The following MMUT variants were observed in gnomAD, a reference collection of about 807,000 sequenced individuals.
MMUT encodes the protein methylmalonyl-CoA mutase, also known as methylmalonyl-CoA mutase, mitochondrial.
In MMUT, 79 loss-of-function variants were observed where a neutral mutation model predicts 79.9. That is an observed-to-expected ratio of 0.99 (90% CI 0.82 to 1.19). The LOEUF is 1.19. MMUT is among the 50% of genes most tolerant of loss of function. MMUT has a pLI of 0.00. For synonymous variants in MMUT, 273 were observed against 295.7 expected (o/e 0.92, Z 0.79); for missense variants, 860 against 917.2 (o/e 0.94, Z 0.81).
In MMUT at chr6:49,447,638, TA is replaced by T. The variant is rs56408395; in HGVS notation, c.1560+31del. On this transcript the variant is annotated intron_variant, in intron 8 of 12. Coordinates refer to ENST00000274813, the MANE Select transcript of MMUT (RefSeq NM_000255.4). ...CAGAGCCCAGAACACAGAAAATACTTAAAAAAAAAAAAAAAAGCAAGCTATT... is the reference window on the plus strand; with the variant it reads ...CAGAGCCCAGAACACAGAAAATACTTAAAAAAAAAAAAAAAGCAAGCTATT... 0.067 allele frequency: 69,696 copies of T among 1,043,672 alleles called. 14 individuals are homozygous for T. The highest frequency in any genetic ancestry group is 0.099 in the East Asian group (3,608 of 36,510). 64.7% of individuals were successfully genotyped at this position (1,043,672 alleles called of 1,614,324 possible). A position where few individuals can be genotyped will look rare whatever the true frequency, so the allele number is the denominator to read the frequency against.
intron 11 of MMUT, 110 bp from the exon 12 acceptor site, chr6:49,435,733 G>T: frequency 8.7e-7 from 1 of 1,154,992 alleles, no homozygotes; most frequent in Non-Finnish European, 1.2e-6. Flanking sequence ...AATGGGCAAA[G>T]ACTTCATGAT....
Position 49,459,437 on chromosome 6 carries a change from T to TG in MMUT, c.29_30insC (p.Leu10PhefsTer39). 6.2e-7 allele frequency: 1 copy of TG among 1,612,758 alleles called. No homozygotes were observed. The highest frequency in any genetic ancestry group is 1.1e-5 in the South Asian group (1 of 91,026). ...CCTGCCTCAGGTAATGAGGTGAAAG[T>TG]AAAAAAAGCTGATTCTTAGCTCTTA... is the stretch of plus-strand genomic sequence containing the variant. On this transcript the variant is annotated frameshift_variant, in exon 2 of 13. Transcript: ENST00000274813. LOFTEE classifies it high-confidence loss of function.
chr6:49,443,696 G>A (rs1337285266), intron 9 of MMUT: 3 of 292,530 alleles, frequency 1.0e-5, no homozygotes, highest in South Asian at 3.0e-5. Context: ...AACACATTAA[G>A]TGCCATATTC....
rs1226524146 is a variant in MMUT at position 49,441,961 on chromosome 6, C to G, written c.1687G>C (p.Gly563Arg). The change falls in exon 10 of 13, where the codon GGA becomes CGA. Residue 563 changes from glycine (G) to arginine (R), a missense_variant. By Grantham distance (125) the Gly-to-Arg change is moderately radical. Transcript: ENST00000274813. ...TTTTTCAGGGCATCTGTGATTTCTC[C>G]CACTGTACATCTGAAACATGAAATG... ...VDASRARCTV[G>R]EITDALKKVF... 6.2e-7 allele frequency: 1 copy of G among 1,610,098 alleles called. No homozygotes were observed. The highest frequency in any genetic ancestry group is 8.5e-7 in the Non-Finnish European group (1 of 1,177,060).
rs1488263039 is a variant in MMUT, at chr6:49,440,339, A to G, written c.1823T>C (p.Met608Thr). Residue 608 changes from methionine (M) to threonine (T), a missense_variant, in exon 11 of 13, where the codon ATG becomes ACG. Met to Thr is a moderately conservative substitution (Grantham distance 81). Coordinates refer to ENST00000274813, the MANE Select transcript of MMUT (RefSeq NM_000255.4). ...TSAIKRVHKF[M>T]EREGRRPRLL... ...ACGAGGTCTGCGACCTTCACGTTCC[A>G]TGAATTTATGAACCCTGAAAAACAT... 2 of 1,613,986 alleles carry G rather than the reference A, an allele frequency of 1.2e-6. No homozygotes were observed. Among genetic ancestry groups the G allele is most frequent in the Admixed American group, 1.7e-5 (1 of 59,984 alleles).
chr6:49,446,761 T>A (rs1369296818), intron 8 of MMUT, among the ~76,000 whole-genome samples: 1 of 151,866 alleles, frequency 6.6e-6, no homozygotes, highest in African/African-American at 2.4e-5. Context: ...TCATTATTTA[T>A]GATAAATGAA....
Position 49,441,847 on chromosome 6 carries a change from TA to T in MMUT, c.1800del (p.Ile601SerfsTer19). 6.2e-7 allele frequency: 1 copy of T among 1,611,396 alleles called. No homozygotes were observed. The highest frequency in any genetic ancestry group is 1.1e-5 in the South Asian group (1 of 90,972). On this transcript the variant is annotated frameshift_variant, in exon 10 of 13. Coordinates refer to ENST00000274813, the MANE Select transcript of MMUT (RefSeq NM_000255.4). LOFTEE classifies it high-confidence loss of function. ...AGAAACCTTACATATTACCTCTTGA[TA>T]GCAGATGTTATCTCTTTACTTTCTC... ...EFGESKEITS[A>X]IKRVHKFMER...
chr6:49,456,276 A>T, intron 3 of MMUT, 39 bp from the exon 4 acceptor site: 1 of 1,417,150 alleles, frequency 7.1e-7, no homozygotes, highest in Non-Finnish European at 1.0e-6. Flanking sequence ...AATAAGTAAA[A>T]ATATTAAAAG....
At chr6:49,460,376 T>G (rs1423396595) in intron 1 of MMUT, among the ~76,000 whole-genome samples, 2 of 152,232 alleles carry the variant, frequency 1.3e-5, no homozygotes, top group South Asian at 4.1e-4. Flanking sequence ...TTAACTAATA[T>G]GCACACAATT....
intron 2 of MMUT, 53 bp downstream of exon 2, chr6:49,459,029 A>G: frequency 6.4e-7 from 1 of 1,559,188 alleles, no homozygotes; most frequent in Non-Finnish European, 8.8e-7. Context: ...AAAATAAAAA[A>G]CTAGGAGGCA....
rs964374496 is a variant in MMUT at position 49,441,879 on chromosome 6, T to TA, written c.1768_1769insT (p.Glu590ValfsTer6). ...TGTTATCTCTTTACTTTCTCCAAAT[T>TA]CCTGGCGATATGCTCCACTCACCAT... On this transcript the variant is annotated frameshift_variant, in exon 10 of 13. Coordinates refer to ENST00000274813, the MANE Select transcript of MMUT (RefSeq NM_000255.4). LOFTEE classifies it high-confidence loss of function. 6.2e-7 allele frequency: 1 copy of TA among 1,611,976 alleles called. No homozygotes were observed. The highest frequency in any genetic ancestry group is 8.5e-7 in the Non-Finnish European group (1 of 1,178,748).
In MMUT at chr6:49,451,534, C is replaced by T. The variant is rs186505851; in HGVS notation, c.1264G>A (p.Ala422Thr). Residue 422 changes from alanine to threonine, a missense_variant, in exon 6 of 13, where the codon GCT becomes ACT. Coordinates refer to ENST00000274813, the MANE Select transcript of MMUT (RefSeq NM_000255.4). ...ATGTAAGAACCTCCCCAAGGATCAG[C>T]CACTTTGGGAATCCCAGATTCTTCT... ...IQEESGIPKVADPWGGSYMME... is the reference protein window; with the variant it reads ...IQEESGIPKVTDPWGGSYMME... 3.7e-6 allele frequency: 6 copies of T among 1,614,074 alleles called. No individual in the cohort carries two copies. In the East Asian group the frequency reaches 1.1e-4, roughly 30 times the overall value.
intron 4 of MMUT, among the ~76,000 whole-genome samples, chr6:49,455,426 G>A (rs1057380139): frequency 7.2e-5 from 11 of 152,176 alleles, no homozygotes; most frequent in Admixed American, 7.2e-4. Context: ...TGCTGTCACA[G>A]TAAGTACACA....
At position 49,459,416 on chromosome 6, in the gene MMUT, C is replaced by A. The variant is rs1446591628; in HGVS notation, c.51G>T (p.Arg17Ser). 1 of 1,613,388 alleles carries A rather than the reference C, an allele frequency of 6.2e-7. No individual in the cohort carries two copies. The highest frequency in any genetic ancestry group is 1.1e-5 in the South Asian group (1 of 91,014). ...TGGAGCCTGATGATTCTTTTACCTG[C>A]CTCAGGTAATGAGGTGAAAGTAAAA... Reference protein sequence around the residue: ...QLFLLSPHYLRQVKESSGSRL... With the variant: ...QLFLLSPHYLSQVKESSGSRL... The change falls in exon 2 of 13, where the codon AGG becomes AGT. Residue 17 changes from arginine to serine, a missense_variant. By Grantham distance (110) the Arg-to-Ser change is moderately radical. Transcript: ENST00000274813.
At chr6:49,452,363 C>T (rs966398959) in intron 5 of MMUT, among the ~76,000 whole-genome samples, 5 of 152,054 alleles carry the variant, frequency 3.3e-5, no homozygotes, top group African/African-American at 9.7e-5. Flanking sequence ...GACGGAGTCT[C>T]GCTCTGTTGC....
chr6:49,458,179 AT>A, intron 2 of MMUT, 121 bp from the exon 3 acceptor site: 1 of 986,706 alleles, frequency 1.0e-6, no homozygotes, highest in Non-Finnish European at 1.5e-6. Context: ...TATAACAACT[AT>A]TTTTATGCTC....
Position 49,431,372 on chromosome 6 carries a change from G to T in MMUT, c.*356C>A, listed in dbSNP as rs1766967895. 1 of 163,712 alleles carries T rather than the reference G, an allele frequency of 6.1e-6. No homozygotes were observed. Among genetic ancestry groups the T allele is most frequent in the African/African-American group, 2.4e-5 (1 of 41,466 alleles). 10.1% of individuals were successfully genotyped at this position (163,712 alleles called of 1,614,324 possible). ...AAACTGACAAATGGGAATAGTCAGA[G>T]TTTTTTTAGGTACAGTTTAATTCTT... is the stretch of plus-strand genomic sequence containing the variant. On this transcript the variant is annotated 3_prime_UTR_variant, in exon 13 of 13. Transcript: ENST00000274813.
At chr6:49,449,047 A>T in intron 6 of MMUT, 120 bp from the exon 7 acceptor site, 2 of 543,162 alleles carry the variant, frequency 3.7e-6, no homozygotes, top group South Asian at 6.4e-5. Context: ...CTAAATGTTA[A>T]TGTTTCATAA....
At chr6:49,454,605 G>C (rs1202941595) in intron 4 of MMUT, among the ~76,000 whole-genome samples, 1 of 152,214 alleles carries the variant, frequency 6.6e-6, no homozygotes, top group Non-Finnish European at 1.5e-5. Context: ...ACCACACCCA[G>C]CCTTGAAAGA....
Sources: allele counts gnomAD v4.1 joint callset (sites outside exome capture counted in the v4.1 genomes callset), GRCh38; gene constraint gnomAD v4.1.1; transcripts MANE v1.5; gene names NCBI Gene and HGNC (gene_info 2026-07-23, HGNC 2026-07-21).